Variants in PDHX observed in about 807,000 individuals in gnomAD.
PDHX encodes pyruvate dehydrogenase complex component X, also known as pyruvate dehydrogenase protein X component, mitochondrial.
PDHX carries 33 observed loss-of-function variants against 55.3 expected under a neutral mutation model. The observed-to-expected ratio is 0.60, with a 90% CI of 0.45 to 0.80. The LOEUF (loss-of-function observed/expected upper bound fraction) is 0.80, where lower values mean the gene tolerates loss of function less well. Among genes scored for constraint, PDHX ranks in the 30% least tolerant of loss-of-function variants. The pLI is 0.00. For missense variants in PDHX, 622 were observed against 619.9 expected (o/e 1.00, Z -0.04); for synonymous variants, 226 against 219.4 (o/e 1.03, Z -0.27).
intron 2 of PDHX, among the ~76,000 whole-genome samples, chr11:34,932,837 A>G (rs1165187373): frequency 2.0e-5 from 3 of 152,234 alleles, no homozygotes; most frequent in Admixed American, 6.5e-5. Context: ...GGTAGAAACA[A>G]TCCAAATGTT....
intron 1 of PDHX, among the ~76,000 whole-genome samples, chr11:34,920,673 A>G (rs534611902): frequency 3.3e-5 from 5 of 152,142 alleles, no homozygotes; most frequent in African/African-American, 1.2e-4. Flanking sequence ...CTTTGTCACT[A>G]TGCCGCCTAC....
chr11:34,981,117 T>G (rs1273308092), intron 8 of PDHX, among the ~76,000 whole-genome samples: 1 of 152,108 alleles, frequency 6.6e-6, no homozygotes, highest in Non-Finnish European at 1.5e-5. Flanking sequence ...TCATTTAACA[T>G]TAGGTATATC....
chr11:34,994,929 G>T lies in PDHX; in HGVS notation c.1263G>T (p.Gly421=), dbSNP rs373894917. The T allele has an allele frequency of 5.6e-6, 9 of 1,613,880 alleles. No individual in the cohort carries two copies. The South Asian group carries it at 8.8e-5, about 16-fold the overall frequency. ...TTCCCCCTAGTATTTCCAACTTGGGGATGTTTGGCATCGACGAATTTACTG... is the reference window on the plus strand; with the variant it reads ...TTCCCCCTAGTATTTCCAACTTGGGTATGTTTGGCATCGACGAATTTACTG... ...QGGSFSISNL[G]MFGIDEFTAV... is the part of the protein sequence containing the mutation. Residue 421 remains glycine, a synonymous_variant, in exon 11 of 11, where the codon GGG becomes GGT. Transcript: ENST00000227868.
chr11:34,934,905 A>G (rs1471904352), intron 2 of PDHX, among the ~76,000 whole-genome samples: 1 of 147,774 alleles, frequency 6.8e-6, no homozygotes, highest in Non-Finnish European at 1.5e-5. Context: ...TAAAGGTTTA[A>G]TAATATTTTG....
At chr11:34,916,174 C>T (rs1019278252), upstream of PDHX, 3 of 1,576,964 alleles carry the variant, frequency 1.9e-6, no homozygotes, top group Non-Finnish European at 2.6e-6. Context: ...GCCGCCGGGT[C>T]CCGCCTGGGC....
chr11:34,919,888 T>C (rs1435610146), intron 1 of PDHX, among the ~76,000 whole-genome samples: 1 of 152,212 alleles, frequency 6.6e-6, no homozygotes, highest in African/African-American at 2.4e-5. Context: ...CATTTAATCA[T>C]ACTTAGCTCC....
At position 34,992,336 on chromosome 11, in the gene PDHX, G is replaced by C. The variant is rs756801221; in HGVS notation, c.1204G>C (p.Asp402His). 4 of 1,603,832 alleles carry C rather than the reference G, an allele frequency of 2.5e-6. No individual in the cohort carries two copies. The highest frequency in any genetic ancestry group is 1.7e-5 in the Admixed American group (1 of 59,926). The change falls in exon 10 of 11, where the codon GAT becomes CAT. Residue 402 changes from aspartate (D) to histidine (H), a missense_variant. By Grantham distance (81) the Asp-to-His change is moderately conservative. Transcript: ENST00000227868. ...SVKALSKKAR[D>H]GKLLPEEYQG... is the part of the protein sequence containing the mutation. ...TCAGGCTCTATCAAAGAAAGCAAGA[G>C]ATGGAAAATTGTTGCCTGAAGAATA...
intron 7 of PDHX, among the ~76,000 whole-genome samples, chr11:34,970,757 T>G (rs576765748): frequency 3.9e-5 from 6 of 152,306 alleles, no homozygotes; most frequent in African/African-American, 1.4e-4. Flanking sequence ...GCTTTTCAGA[T>G]TTTGGATTTT....
intron 6 of PDHX, among the ~76,000 whole-genome samples, chr11:34,967,695 G>A (rs527479164): frequency 1.3e-4 from 20 of 151,934 alleles, no homozygotes; most frequent in Non-Finnish European, 2.1e-4. Flanking sequence ...ATTTAAAATC[G>A]AATGGGCACT....
At chr11:34,916,520 T>TTG (rs1853705778), upstream of PDHX, 2 of 1,401,654 alleles carry the variant, frequency 1.4e-6, no homozygotes, top group African/African-American at 3.7e-5. Flanking sequence ...GGGGCTGGGT[T>TTG]GGGGGGCGGG....
intron 3 of PDHX, 43 bp downstream of exon 3, chr11:34,947,649 T>G: frequency 7.7e-7 from 1 of 1,305,804 alleles, no homozygotes; most frequent in Non-Finnish European, 1.1e-6. Context: ...TGAAGATTTC[T>G]TGAGTGGAAA....
chr11:34,993,803 G>C (rs987177591), intron 10 of PDHX, among the ~76,000 whole-genome samples: 6 of 152,080 alleles, frequency 3.9e-5, no homozygotes, highest in Non-Finnish European at 8.8e-5. Flanking sequence ...TCTTGATTGG[G>C]ATTGCATTAA....
intron 7 of PDHX, among the ~76,000 whole-genome samples, chr11:34,973,538 T>G (rs972861361): frequency 4.6e-5 from 7 of 152,150 alleles, no homozygotes; most frequent in Non-Finnish European, 7.4e-5. Context: ...TATTTATTCA[T>G]TTTATCTTCT....
At chr11:34,936,787 T>TCTTTTC (rs1554985030) in intron 2 of PDHX, among the ~76,000 whole-genome samples, 454 of 104,880 alleles carry the variant, frequency 4.3e-3, no homozygotes, top group African/African-American at 6.8e-3. Flanking sequence ...TCTTTTCTTT[T>TCTTTTC]TTTTTTTTTT....
chr11:34,937,712 T>C (rs1854368108), intron 2 of PDHX, among the ~76,000 whole-genome samples: 2 of 152,172 alleles, frequency 1.3e-5, no homozygotes, highest in Admixed American at 1.3e-4. Flanking sequence ...TAAGAATGCC[T>C]ACTCCCCTAA....
chr11:34,982,433 G>A (rs1422060512), intron 8 of PDHX, among the ~76,000 whole-genome samples: 1 of 152,116 alleles, frequency 6.6e-6, no homozygotes, highest in Non-Finnish European at 1.5e-5. Context: ...GAGCAGAACT[G>A]AAGGGAATAG....
rs141317522 is a variant in PDHX, at chr11:34,980,225, T to C, written c.1023+2043T>C. 8.4e-4 allele frequency among the ~76,000 whole-genome samples: 127 copies of C among 151,726 alleles called. 1 individual carries two copies. Among genetic ancestry groups the C allele is most frequent in the African/African-American group, 3.0e-3 (123 of 41,522 alleles). On this transcript the variant is annotated intron_variant, in intron 8 of 10. Transcript: ENST00000227868. ...TGACCTCTATCTCACTTCTATTGCA[T>C]ATTTATATATTCTTAGCTTGTATTG...
At chr11:34,951,181 C>T (rs1441694558) in intron 3 of PDHX, among the ~76,000 whole-genome samples, 3 of 151,252 alleles carry the variant, frequency 2.0e-5, no homozygotes, top group Non-Finnish European at 4.4e-5. Flanking sequence ...CTCAGCCTCC[C>T]GAGTAGCTGG....
chr11:34,934,157 G>C (rs1249737540), intron 2 of PDHX, among the ~76,000 whole-genome samples: 1 of 152,098 alleles, frequency 6.6e-6, no homozygotes, highest in Non-Finnish European at 1.5e-5. Flanking sequence ...GCAATCTCTG[G>C]TAAAATAGTA....
Sources: gnomAD v4.1 joint callset for allele counts (sites outside exome capture counted in the v4.1 genomes callset) on GRCh38, gnomAD v4.1.1 for gene constraint, MANE v1.5 for transcripts, NCBI Gene and HGNC (gene_info 2026-07-23, HGNC 2026-07-21) for gene names.